The following DIP2A variants were observed in gnomAD, a reference collection of about 807,000 sequenced individuals.
The protein encoded by DIP2A is DIP2 acetate--CoA ligase A, also known as disco-interacting protein 2 homolog A.
In DIP2A, 85 loss-of-function variants were observed where a neutral mutation model predicts 177.4. The observed-to-expected ratio is 0.48, with a 90% CI of 0.40 to 0.57. The LOEUF (loss-of-function observed/expected upper bound fraction) is 0.57. DIP2A is among the 20% of genes least tolerant of loss of function. The probability of loss-of-function intolerance (pLI) is 0.00; values close to 1 mark genes in which losing one functional copy is unlikely to be tolerated. For synonymous variants in DIP2A, 886 were observed against 881.8 expected, an observed-to-expected ratio of 1.00 and a Z score of -0.08; for missense variants, 1,791 against 2,100.2, an observed-to-expected ratio of 0.85 and a Z score of 2.88.
At chr21:46,527,260 CA>C (rs1261208422) in intron 8 of DIP2A, among the ~76,000 whole-genome samples, 4 of 150,146 alleles carry the variant, frequency 2.7e-5, no homozygotes, top group Admixed American at 2.0e-4. Context: ...ATTCTTTATG[CA>C]TTACAATTAT....
At chr21:46,516,781 C>T (rs936637766) in intron 8 of DIP2A, among the ~76,000 whole-genome samples, 1 of 151,942 alleles carries the variant, frequency 6.6e-6, no homozygotes, top group Non-Finnish European at 1.5e-5. Flanking sequence ...CCATGAGCCA[C>T]CGCTCTTGGC....
chr21:46,546,962 T>C lies in DIP2A; in HGVS notation c.2442T>C (p.Thr814=), dbSNP rs1225409505. 1 of 1,613,960 alleles carries C rather than the reference T, an allele frequency of 6.2e-7. No homozygotes were observed. The highest frequency in any genetic ancestry group is 1.7e-5 in the Admixed American group (1 of 60,018). The part of the protein sequence containing the change: ...IVGKLDGLMV[T]GVRRHNADDV... ...GCAAACTGGACGGGCTGATGGTCACTGGAGTTCGCAGACACAATGCAGATG... is the reference window on the plus strand; with the variant it reads ...GCAAACTGGACGGGCTGATGGTCACCGGAGTTCGCAGACACAATGCAGATG... The change falls in exon 21 of 38, where the codon ACT becomes ACC. Residue 814 remains threonine (T), a synonymous_variant. Transcript: ENST00000417564.
chr21:46,463,711 TG>T (rs879617197), intron 1 of DIP2A, among the ~76,000 whole-genome samples: 8,881 of 150,896 alleles, frequency 0.059, 359 homozygotes, highest in African/African-American at 0.11. Context: ...TGTGTGTGTG[TG>T]TGTGTGTATA....
chr21:46,490,735 A>G lies in DIP2A; in HGVS notation c.283+16A>G. The G allele has an allele frequency of 6.4e-7, 1 of 1,559,534 alleles. No individual in the cohort carries two copies. Among genetic ancestry groups the G allele is most frequent in the Non-Finnish European group, 8.7e-7 (1 of 1,152,436 alleles). Reference sequence around the variant, plus strand: ...TTCCGGTCAGGTAGGGTCACAGCCTAGGCAGTGGGGAAGGTGGACGGGCCT... The same window carrying G: ...TTCCGGTCAGGTAGGGTCACAGCCTGGGCAGTGGGGAAGGTGGACGGGCCT... On this transcript the variant is annotated intron_variant, in intron 3 of 37. Coordinates refer to ENST00000417564, the MANE Select transcript of DIP2A (RefSeq NM_015151.4).
At chr21:46,496,628 G>C (rs1159301090) in intron 3 of DIP2A, among the ~76,000 whole-genome samples, 1 of 152,098 alleles carries the variant, frequency 6.6e-6, no homozygotes, top group Non-Finnish European at 1.5e-5. Flanking sequence ...ATTTGTATTA[G>C]GCTGCATTCA....
chr21:46,503,636 C>CCTTT (rs1435131412), intron 5 of DIP2A, among the ~76,000 whole-genome samples: 2 of 112,326 alleles, frequency 1.8e-5, no homozygotes, highest in South Asian at 2.8e-4. Context: ...TTCTTTCTTT[C>CCTTT]CTTTCTTTCT....
chr21:46,509,421 G>T, intron 7 of DIP2A, 45 bp downstream of exon 7: 1 of 1,571,510 alleles, frequency 6.4e-7, no homozygotes, highest in South Asian at 1.2e-5. Context: ...TATGAAAAGG[G>T]TGGCCACGAA....
intron 17 of DIP2A, among the ~76,000 whole-genome samples, chr21:46,540,812 G>A (rs1286285459): frequency 1.3e-5 from 2 of 152,014 alleles, no homozygotes; most frequent in African/African-American, 2.4e-5. Flanking sequence ...TTAGGAGTTC[G>A]AGACCGGCCT....
Position 46,567,758 on chromosome 21 carries a change from G to A in DIP2A, c.*136G>A, listed in dbSNP as rs905664340. The A allele has an allele frequency of 3.7e-5, 39 of 1,045,108 alleles. No homozygotes were observed. Among genetic ancestry groups the A allele is most frequent in the Non-Finnish European group, 4.9e-5 (37 of 762,492 alleles). 64.7% of individuals were successfully genotyped at this position (1,045,108 alleles called of 1,614,324 possible). On this transcript the variant is annotated 3_prime_UTR_variant, in exon 38 of 38. Transcript: ENST00000417564. The stretch of plus-strand genomic sequence containing the variant: ...TTACAGATCCCTCTCAACAATCCCC[G>A]CATCTCCTTTTAGAAAGCACTTCCT...
rs549704133 is a variant in DIP2A, at chr21:46,517,419, G to A, written c.1102+5805G>A. ...GTATGTTGTGTATAAAAACATTATG[G>A]CAGGTCCAGACAATGCCATCTTCCT... On this transcript the variant is annotated intron_variant, in intron 8 of 37. Coordinates refer to ENST00000417564, the MANE Select transcript of DIP2A (RefSeq NM_015151.4). Among the ~76,000 whole-genome samples the A allele has an allele frequency of 2.0e-5, 3 of 152,060 alleles. No individual in the cohort carries two copies. The East Asian group carries it at 5.8e-4, about 29-fold the overall frequency.
intron 1 of DIP2A, among the ~76,000 whole-genome samples, chr21:46,459,820 C>T (rs1354400073): frequency 6.6e-6 from 1 of 152,168 alleles, no homozygotes; most frequent in African/African-American, 2.4e-5. Context: ...CCCAGCTGCT[C>T]CCCCAATGGG....
intron 9 of DIP2A, among the ~76,000 whole-genome samples, chr21:46,531,731 A>G (rs1206159561): frequency 6.6e-6 from 1 of 152,194 alleles, no homozygotes; most frequent in Non-Finnish European, 1.5e-5. Flanking sequence ...CTGTAAAAAT[A>G]TACTTTCCAT....
At chr21:46,473,121 C>T (rs1028410795) in intron 1 of DIP2A, among the ~76,000 whole-genome samples, 1 of 152,132 alleles carries the variant, frequency 6.6e-6, no homozygotes, top group African/African-American at 2.4e-5. Context: ...CATGAAAATA[C>T]ATTTTATTCC....
intron 8 of DIP2A, among the ~76,000 whole-genome samples, chr21:46,519,428 C>G (rs1347035195): frequency 6.6e-6 from 1 of 152,186 alleles, no homozygotes; most frequent in Admixed American, 6.5e-5. Context: ...CATATTTCCC[C>G]TCTCTGTTTT....
intron 8 of DIP2A, among the ~76,000 whole-genome samples, chr21:46,519,855 ATTTTTTTTTTTTTTTTTTTT>A (rs59574579): frequency 6.6e-4 from 35 of 53,016 alleles, no homozygotes; most frequent in Middle Eastern, 0.014. Context: ...ATTGATCTAG[ATTTTTTTTTTTTTTTTTTTT>A]TTTTTTTTTT....
At chr21:46,581,475 G>C in the DIP2A span, among the ~76,000 whole-genome samples, 1 of 152,176 alleles carries the variant, frequency 6.6e-6, no homozygotes, top group Middle Eastern at 3.2e-3. Context: ...CCTCTGTCCA[G>C]TTCTGTGCCC....
chr21:46,544,061 C>A (rs779105055), intron 18 of DIP2A, among the ~76,000 whole-genome samples: 3 of 152,152 alleles, frequency 2.0e-5, no homozygotes, highest in Non-Finnish European at 4.4e-5. Flanking sequence ...AACCAAGTTT[C>A]ATTTAATGGA....
At chr21:46,573,010 T>A (rs1336935901), downstream of DIP2A, among the ~76,000 whole-genome samples, 1 of 152,162 alleles carries the variant, frequency 6.6e-6, no homozygotes, top group East Asian at 1.9e-4. Flanking sequence ...TAGATACATA[T>A]ACACTGTATG....
chr21:46,503,702 T>G (rs1302739648), intron 5 of DIP2A, among the ~76,000 whole-genome samples: 1 of 149,530 alleles, frequency 6.7e-6, no homozygotes, highest in Non-Finnish European at 1.5e-5. Context: ...TTCTTCTTTC[T>G]CTTTCCTTCC....
Sources: gnomAD v4.1 joint callset for allele counts (sites outside exome capture counted in the v4.1 genomes callset) on GRCh38, gnomAD v4.1.1 for gene constraint, MANE v1.5 for transcripts, NCBI Gene and HGNC (gene_info 2026-07-23, HGNC 2026-07-21) for gene names.